The following TTLL11 variants were observed in gnomAD, a reference collection of about 807,000 sequenced individuals.
TTLL11 encodes the protein tubulin polyglutamylase TTLL11.
Under a neutral mutation model 51.7 loss-of-function variants are expected in TTLL11, and 42 were observed. The ratio of observed to expected loss-of-function variants is 0.81; its 90% CI spans 0.64 to 1.05. The LOEUF is 1.05. TTLL11 is among the 50% of genes least tolerant of loss of function. The pLI, the probability that TTLL11 is intolerant of heterozygous loss-of-function variation, is 0.00. For missense variants in TTLL11, 799 were observed against 940.4 expected, an observed-to-expected ratio of 0.85 and a Z score of 1.97; for synonymous variants, 381 against 383.5, an observed-to-expected ratio of 0.99 and a Z score of 0.08.
intron 1 of TTLL11, among the ~76,000 whole-genome samples, chr9:122,077,040 C>G (rs547393900): frequency 6.6e-6 from 1 of 152,248 alleles, no homozygotes. Flanking sequence ...CGCTGAGACC[C>G]TATAGCTATC....
At chr9:121,879,596 G>A (rs1023336150) in intron 6 of TTLL11, among the ~76,000 whole-genome samples, 22 of 152,238 alleles carry the variant, frequency 1.4e-4, no homozygotes, top group Admixed American at 7.8e-4. Context: ...CTGACTTGAG[G>A]TGAGGCATCA....
chr9:121,857,830 T>A (rs898227118), intron 8 of TTLL11, among the ~76,000 whole-genome samples: 2 of 152,164 alleles, frequency 1.3e-5, no homozygotes, highest in African/African-American at 4.8e-5. Context: ...GAAAAACTAC[T>A]CAGAATTAAC....
At position 121,890,347 on chromosome 9, in the gene TTLL11, T is replaced by C. The variant is rs1382765528; in HGVS notation, c.1482-19599A>G. On this transcript the variant is annotated intron_variant, in intron 6 of 8. Transcript: ENST00000321582. This position sits in a 1 kb window ranked among gnomAD's most constrained non-coding sequence, Gnocchi z 4.3. ...CCATCACTTGTCAGCTCATCATGGG[T>C]CACCTGAACTTCAACAGCCTCTTCA... is the stretch of plus-strand genomic sequence containing the variant. 4.6e-5 allele frequency among the ~76,000 whole-genome samples: 7 copies of C among 152,168 alleles called. No homozygotes were observed. The highest frequency in any genetic ancestry group is 1.0e-4 in the Non-Finnish European group (7 of 68,018).
intron 6 of TTLL11, among the ~76,000 whole-genome samples, chr9:121,970,725 A>T (rs1170248362): frequency 6.6e-6 from 1 of 152,240 alleles, no homozygotes; most frequent in Non-Finnish European, 1.5e-5. Context: ...ATGTGGAGAA[A>T]TAGGAACACT....
At chr9:121,958,945 T>C (rs1392510549) in intron 6 of TTLL11, among the ~76,000 whole-genome samples, 1 of 149,980 alleles carries the variant, frequency 6.7e-6, no homozygotes, top group African/African-American at 2.5e-5. Flanking sequence ...TAGTCCTTAA[T>C]CACTCCTTCT....
At chr9:121,964,694 T>G (rs1842348933) in intron 6 of TTLL11, among the ~76,000 whole-genome samples, 1 of 152,154 alleles carries the variant, frequency 6.6e-6, no homozygotes, top group African/African-American at 2.4e-5. Flanking sequence ...CACCCATCCC[T>G]CCTGCCTACC....
intron 6 of TTLL11, among the ~76,000 whole-genome samples, chr9:121,908,229 G>C (rs13290978): frequency 0.12 from 18,007 of 152,228 alleles, 1,485 homozygotes; most frequent in Admixed American, 0.21. Context: ...TTGCTGGAAG[G>C]CTGAGGGAAT....
rs145964029 is a variant in TTLL11, at chr9:121,897,782, T to C, written c.1482-27034A>G. 4.4e-4 allele frequency among the ~76,000 whole-genome samples: 67 copies of C among 152,342 alleles called. 1 individual carries two copies. In the East Asian group the frequency reaches 8.7e-3, roughly 20 times the overall value. Reference sequence around the variant, plus strand: ...TGGGTACTCAGTTTCCCCTTGGTCCTGACTGTACCGGGCACAGCCTCTGCT... The same window carrying C: ...TGGGTACTCAGTTTCCCCTTGGTCCCGACTGTACCGGGCACAGCCTCTGCT... On this transcript the variant is annotated intron_variant, in intron 6 of 8. Coordinates refer to ENST00000321582, the MANE Select transcript of TTLL11 (RefSeq NM_001139442.2).
At chr9:122,032,058 G>C (rs577875320) in intron 2 of TTLL11, among the ~76,000 whole-genome samples, 1 of 152,200 alleles carries the variant, frequency 6.6e-6, no homozygotes, top group Admixed American at 6.5e-5. Context: ...TTGAGGTAAC[G>C]GACGGGTGTT....
chr9:121,888,279 C>T (rs933870642), intron 6 of TTLL11, among the ~76,000 whole-genome samples: 7 of 152,220 alleles, frequency 4.6e-5, no homozygotes, highest in Admixed American at 3.3e-4. Context: ...AAGGAGTCAA[C>T]ACATCTGAAG....
intron 7 of TTLL11, among the ~76,000 whole-genome samples, chr9:121,863,263 G>A (rs757545614): frequency 2.6e-5 from 4 of 152,090 alleles, no homozygotes; most frequent in Admixed American, 2.0e-4. Context: ...TGTGGGGGAG[G>A]ATGGTCCAGT....
At chr9:121,835,872 C>T (rs115401021) in intron 8 of TTLL11, among the ~76,000 whole-genome samples, 30 of 152,286 alleles carry the variant, frequency 2.0e-4, no homozygotes, top group African/African-American at 6.5e-4. Flanking sequence ...GGACATTTCT[C>T]GAGAGATTAA....
intron 3 of TTLL11, among the ~76,000 whole-genome samples, chr9:122,003,338 TTATAATGTCA>T (rs556249168): frequency 0.016 from 2,420 of 152,244 alleles, 33 homozygotes; most frequent in South Asian, 0.041. Context: ...TGTGGACTGA[TTATAATGTCA>T]TATATAAGAT....
At chr9:122,082,985 G>A (rs1424827865) in intron 1 of TTLL11, among the ~76,000 whole-genome samples, 1 of 152,158 alleles carries the variant, frequency 6.6e-6, no homozygotes, top group African/African-American at 2.4e-5. Context: ...AGTGAGCCGA[G>A]ATTGCGCCAC....
chr9:121,970,502 A>G (rs1051257956), intron 6 of TTLL11, among the ~76,000 whole-genome samples: 1 of 152,234 alleles, frequency 6.6e-6, no homozygotes, highest in African/African-American at 2.4e-5. Context: ...CCAATAAAGG[A>G]ATAAGAATGC....
At chr9:122,067,906 T>A (rs1303611398) in intron 1 of TTLL11, among the ~76,000 whole-genome samples, 1 of 152,224 alleles carries the variant, frequency 6.6e-6, no homozygotes, top group Non-Finnish European at 1.5e-5. Context: ...GTTACCAGAG[T>A]GAAAACATTC....
chr9:121,998,325 C>T lies in TTLL11; in HGVS notation c.694-8555G>A, dbSNP rs1843347856. On this transcript the variant is annotated intron_variant, in intron 3 of 8. Transcript: ENST00000321582. ...TTTTTGAGACAAAGTCTTGCTCTGT[C>T]ACCCAGGCTGGAGTGCAATGGCGTG... 3.9e-5 allele frequency among the ~76,000 whole-genome samples: 6 copies of T among 152,090 alleles called. No homozygotes were observed. In the South Asian group the frequency reaches 1.2e-3, roughly 32 times the overall value.
chr9:121,958,708 G>C (rs2131619777), intron 6 of TTLL11, among the ~76,000 whole-genome samples: 1 of 152,258 alleles, frequency 6.6e-6, no homozygotes, highest in South Asian at 2.1e-4. Flanking sequence ...TTGAGTCTTG[G>C]TTTCCTTGCC....
intron 6 of TTLL11, among the ~76,000 whole-genome samples, chr9:121,902,891 T>TTC (rs1162320281): frequency 3.3e-5 from 5 of 152,118 alleles, no homozygotes; most frequent in African/African-American, 1.2e-4. Flanking sequence ...AGCAAGCATT[T>TTC]TCTCTCTCTC....
Sources: allele counts gnomAD v4.1 joint callset (sites outside exome capture counted in the v4.1 genomes callset), GRCh38; gene constraint gnomAD v4.1.1; non-coding constraint Gnocchi (gnomAD v3.1); transcripts MANE v1.5; gene names NCBI Gene and HGNC (gene_info 2026-07-23, HGNC 2026-07-21).